Variants in CHN2 observed in about 807,000 individuals in gnomAD.
The protein encoded by CHN2 is chimerin 2, also known as beta-chimaerin.
CHN2 carries 35 observed loss-of-function variants against 56.3 expected under a neutral mutation model. The observed-to-expected ratio is 0.62, with a 90% CI of 0.47 to 0.82. CHN2 has a LOEUF of 0.82. Ranked by LOEUF, CHN2 falls within the 40% of genes least tolerant of loss-of-function variation. The pLI, the probability that CHN2 is intolerant of heterozygous loss-of-function variation, is 0.00. For missense variants in CHN2, 491 were observed against 580.5 expected (o/e 0.85, Z 1.58); for synonymous variants, 210 against 212.8 (o/e 0.99, Z 0.12).
chr7:29,419,257 G>A (rs192428307), intron 6 of CHN2, among the ~76,000 whole-genome samples: 187 of 152,284 alleles, frequency 1.2e-3, no homozygotes, highest in Non-Finnish European at 2.1e-3. Flanking sequence ...ACTCAGTCTA[G>A]AGGTATTGGG....
rs534785136 is a variant in CHN2, at chr7:29,263,227, G to A, written c.49+68237G>A. 5.1e-4 allele frequency among the ~76,000 whole-genome samples: 77 copies of A among 152,300 alleles called. 1 individual carries two copies. In the South Asian group the frequency reaches 0.011, roughly 21 times the overall value. On this transcript the variant is annotated intron_variant, in intron 1 of 12. Coordinates refer to ENST00000222792, the MANE Select transcript of CHN2 (RefSeq NM_004067.4). ...TATTTTTTGGTGGAGACGGGGTTTCGCCGTGTTGGCCGGGCTGGTCTCCAG... is the reference window on the plus strand; with the variant it reads ...TATTTTTTGGTGGAGACGGGGTTTCACCGTGTTGGCCGGGCTGGTCTCCAG...
chr7:29,374,080 G>A (rs1799835485), intron 3 of CHN2, among the ~76,000 whole-genome samples: 1 of 152,102 alleles, frequency 6.6e-6, no homozygotes, highest in Non-Finnish European at 1.5e-5. Context: ...TAATCAGAAG[G>A]CTATTTCTTC....
chr7:29,444,292 T>C (rs1783878402), intron 6 of CHN2, among the ~76,000 whole-genome samples: 1 of 152,200 alleles, frequency 6.6e-6, no homozygotes, highest in Non-Finnish European at 1.5e-5. Context: ...TATGGCTGCA[T>C]AACAAATTAC....
chr7:29,367,801 G>C (rs1004197045), intron 2 of CHN2, 131 bp from the exon 3 acceptor site: 6 of 622,992 alleles, frequency 9.6e-6, no homozygotes, highest in Admixed American at 7.9e-5. Context: ...AAATGTGCCT[G>C]TATTCTCTTG....
chr7:29,285,399 C>T (rs931435686), intron 1 of CHN2, among the ~76,000 whole-genome samples: 25 of 152,222 alleles, frequency 1.6e-4, no homozygotes. Context: ...CTGCCAGTCC[C>T]TTCTCTCCTA....
chr7:29,183,115 G>A (rs948385359), intron 2 of CHN2, among the ~76,000 whole-genome samples: 2 of 135,140 alleles, frequency 1.5e-5, no homozygotes, highest in African/African-American at 5.6e-5. Flanking sequence ...ACGGAGTTTC[G>A]CTTTTGTTGC....
intron 2 of CHN2, among the ~76,000 whole-genome samples, chr7:29,176,971 A>G (rs1205708485): frequency 6.6e-6 from 1 of 152,196 alleles, no homozygotes; most frequent in African/African-American, 2.4e-5. Context: ...CCAAATAAAT[A>G]CAGAGAAAAT....
At chr7:29,304,062 G>GA (rs5883200) in intron 1 of CHN2, among the ~76,000 whole-genome samples, 20 of 148,848 alleles carry the variant, frequency 1.3e-4, no homozygotes, top group Non-Finnish European at 1.9e-4. Flanking sequence ...ATCATCTCAA[G>GA]AAAAAAAAAA....
chr7:29,396,842 CAA>C (rs1315741196), intron 4 of CHN2: 1 of 152,642 alleles, frequency 6.6e-6, no homozygotes, highest in Non-Finnish European at 1.5e-5. Context: ...GGCTCCTCCG[CAA>C]AGTTCCTAGG....
chr7:29,321,861 G>A (rs112233834), intron 1 of CHN2, among the ~76,000 whole-genome samples: 1,801 of 152,098 alleles, frequency 0.012, 44 homozygotes, highest in African/African-American at 0.04. Flanking sequence ...GAGCCACCGC[G>A]CCCAGCCAAA....
chr7:29,174,977 G>T (rs1220968301), intron 2 of CHN2, among the ~76,000 whole-genome samples: 3 of 151,874 alleles, frequency 2.0e-5, no homozygotes, highest in Non-Finnish European at 4.4e-5. Flanking sequence ...ATTCATCTCA[G>T]TTGATAAGCA....
chr7:29,152,993 T>G (rs1200922552), intron 2 of CHN2, among the ~76,000 whole-genome samples: 4 of 152,346 alleles, frequency 2.6e-5, no homozygotes, highest in Non-Finnish European at 5.9e-5. Flanking sequence ...AAGGCCATGC[T>G]TACAGAGCTG....
At chr7:29,195,022 C>T in intron 1 of CHN2, 32 bp downstream of exon 1, 2 of 1,577,370 alleles carry the variant, frequency 1.3e-6, no homozygotes, top group Non-Finnish European at 1.7e-6. Context: ...GCTGCTGCCG[C>T]GCCGGGTCTC....
intron 1 of CHN2, among the ~76,000 whole-genome samples, chr7:29,246,867 A>C (rs545625025): frequency 8.5e-5 from 13 of 152,284 alleles, no homozygotes; most frequent in Admixed American, 5.9e-4. Flanking sequence ...CCTGTAATGA[A>C]GGGCCAGCTC....
chr7:29,213,244 T>C, intron 1 of CHN2: 1 of 1,024,044 alleles, frequency 9.8e-7, no homozygotes, highest in Non-Finnish European at 1.5e-6. Context: ...TTACTCAGTT[T>C]CACTCTGGGT....
At chr7:29,473,482 T>TGTGTGTGTGTGTTTGTGTG (rs1554299029) in intron 6 of CHN2, among the ~76,000 whole-genome samples, 1 of 118,166 alleles carries the variant, frequency 8.5e-6, no homozygotes, top group Non-Finnish European at 1.7e-5. Context: ...TTTTTTTTTT[T>TGTGTGTGTGTGTTTGTGTG]TGTGTGTGTG....
chr7:29,233,691 C>G (rs1786901296), intron 1 of CHN2, among the ~76,000 whole-genome samples: 1 of 152,066 alleles, frequency 6.6e-6, no homozygotes, highest in Admixed American at 6.5e-5. Context: ...AAAGACTCAA[C>G]GGGCCATTGC....
At chr7:29,463,318 C>T (rs1296345326) in intron 6 of CHN2, among the ~76,000 whole-genome samples, 1 of 152,114 alleles carries the variant, frequency 6.6e-6, no homozygotes, top group Non-Finnish European at 1.5e-5. Flanking sequence ...AGTGAACTTT[C>T]CTAATGGAGC....
chr7:29,240,145 G>T (rs182238374), intron 1 of CHN2, among the ~76,000 whole-genome samples: 130 of 152,276 alleles, frequency 8.5e-4, no homozygotes, highest in Non-Finnish European at 1.3e-3. Flanking sequence ...TCCACCTTGG[G>T]CTTCCCTAGT....
Sources: gnomAD v4.1 joint callset for allele counts (sites outside exome capture counted in the v4.1 genomes callset) on GRCh38, gnomAD v4.1.1 for gene constraint, MANE v1.5 for transcripts, NCBI Gene and HGNC (gene_info 2026-07-23, HGNC 2026-07-21) for gene names.